BLVRB: variants seen among roughly 807,000 people sequenced by gnomAD.
BLVRB encodes biliverdin reductase B.
In BLVRB, 25 loss-of-function variants were observed where a neutral mutation model predicts 21.1. That is an observed-to-expected ratio of 1.19 (90% confidence interval 0.86 to 1.66). The LOEUF is 1.66. BLVRB is among the 40% of genes most tolerant of loss of function. The pLI is 0.00. For synonymous variants in BLVRB, 128 were observed against 122.2 expected (o/e 1.05, Z -0.31); for missense variants, 274 against 282.7 (o/e 0.97, Z 0.22).
At chr19:40,463,780 T>TG (rs1458119598) in intron 1 of BLVRB, among the ~76,000 whole-genome samples, 13 of 151,104 alleles carry the variant, frequency 8.6e-5, no homozygotes, top group Non-Finnish European at 1.8e-4. Flanking sequence ...AATTTTTTTT[T>TG]TTTTGAGACA....
chr19:40,454,092 T>G (rs982321364), intron 3 of BLVRB, among the ~76,000 whole-genome samples: 27 of 152,120 alleles, frequency 1.8e-4, no homozygotes, highest in Admixed American at 6.6e-5. Context: ...AACAAAAAAA[T>G]TTTAAAAATT....
At chr19:40,459,539 C>T (rs1002332317) in intron 1 of BLVRB, among the ~76,000 whole-genome samples, 4 of 151,458 alleles carry the variant, frequency 2.6e-5, no homozygotes, top group African/African-American at 9.7e-5. Context: ...CCTCCGCCTC[C>T]CGGGTTCAGG....
In BLVRB at chr19:40,465,713, G is replaced by T. The variant is rs767495670; in HGVS notation, c.-25C>A. On this transcript the variant is annotated 5_prime_UTR_variant, in exon 1 of 5. Transcript: ENST00000263368. ...TCGTACGGGATCGTGGGGGTGCAAG[G>T]CCTCAGAGTCTCGGCACGCGCGGGA... The T allele has an allele frequency of 4.3e-6, 7 of 1,609,588 alleles. No individual in the cohort carries two copies. The highest frequency in any genetic ancestry group is 5.9e-6 in the Non-Finnish European group (7 of 1,177,590).
At chr19:40,460,269 T>TATATATATATATATATATACAC in intron 1 of BLVRB, among the ~76,000 whole-genome samples, 1 of 140,694 alleles carries the variant, frequency 7.1e-6, no homozygotes, top group African/African-American at 2.8e-5. Flanking sequence ...TATATATATA[T>TATATATATATATATATATACAC]ATATATTTAG....
rs769324337 is a variant in BLVRB at position 40,458,484 on chromosome 19, C to T, written c.141G>A (p.Pro47=). Residue 47 remains proline (P), a synonymous_variant, in exon 2 of 5, where the codon CCG becomes CCA. Coordinates refer to ENST00000263368, the MANE Select transcript of BLVRB (RefSeq NM_000713.3). ...GAACATCTCCCACTACCACGTGGGC[C>T]GGCCGGGGCCCCTCTGATGGCAGCC... is the stretch of plus-strand genomic sequence containing the variant. ...SSRLPSEGPR[P]AHVVVGDVLQ... 36 of 1,609,826 alleles carry T rather than the reference C, an allele frequency of 2.2e-5. No homozygotes were observed. Among genetic ancestry groups the T allele is most frequent in the Admixed American group, 3.4e-5 (2 of 59,490 alleles).
chr19:40,460,270 A>ATATATATG lies in BLVRB; in HGVS notation c.80-1726_80-1725insCATATATA, dbSNP rs1336577975. 7.5e-4 allele frequency among the ~76,000 whole-genome samples: 95 copies of ATATATATG among 126,356 alleles called. 4 individuals are homozygous for ATATATATG. Among genetic ancestry groups the ATATATATG allele is most frequent in the African/African-American group, 3.0e-3 (92 of 30,954 alleles). The allele number at this position is 126,356 out of a possible 152,430, so 82.9% of individuals were successfully genotyped here. Reference sequence around the variant, plus strand: ...AACATATATATATATATATATATATATATATTTAGAGACAGGGTCTTGCTC... The same window carrying ATATATATG: ...AACATATATATATATATATATATATATATATATGTATATTTAGAGACAGGGTCTTGCTC... On this transcript the variant is annotated intron_variant, in intron 1 of 4. Transcript: ENST00000263368.
intron 4 of BLVRB, 63 bp from the exon 5 acceptor site, chr19:40,448,109 A>AC: frequency 6.5e-7 from 1 of 1,535,536 alleles, no homozygotes; most frequent in Non-Finnish European, 8.8e-7. Context: ...CCAAAATTCG[A>AC]CCCCCAGAAA....
chr19:40,460,938 C>T (rs902327631), intron 1 of BLVRB, among the ~76,000 whole-genome samples: 8 of 152,130 alleles, frequency 5.3e-5, no homozygotes, highest in South Asian at 2.1e-4. Flanking sequence ...TGCCATTGCA[C>T]GCCAGCCTGG....
At chr19:40,461,360 C>G (rs28529139) in intron 1 of BLVRB, among the ~76,000 whole-genome samples, 1 of 152,166 alleles carries the variant, frequency 6.6e-6, no homozygotes, top group African/African-American at 2.4e-5. Context: ...AAGTGCCTCT[C>G]TGCTCAGTTG....
At position 40,451,358 on chromosome 19, in the gene BLVRB, G is replaced by T; in HGVS notation, c.463+6C>A. On this transcript the variant is annotated splice_donor_region_variant and intron_variant, in intron 4 of 4. Transcript: ENST00000263368. ...ATTGGTGCCACCAGGTCCCTGCCCT[G>T]CTTACCTATGTGTGGCGGCATCACA... 2 of 1,598,286 alleles carry T rather than the reference G, an allele frequency of 1.3e-6. No homozygotes were observed. The highest frequency in any genetic ancestry group is 1.7e-6 in the Non-Finnish European group (2 of 1,172,742).
At chr19:40,462,350 C>G (rs2079791405) in intron 1 of BLVRB, among the ~76,000 whole-genome samples, 1 of 150,870 alleles carries the variant, frequency 6.6e-6, no homozygotes, top group South Asian at 2.1e-4. Flanking sequence ...GCAATCTCAG[C>G]TCACTGCAAC....
chr19:40,460,983 A>G (rs752212), intron 1 of BLVRB, among the ~76,000 whole-genome samples: 33,611 of 139,302 alleles, frequency 0.24, 3,949 homozygotes, highest in African/African-American at 0.38. Flanking sequence ...AAACAAAACA[A>G]AACAAAACAA....
intron 1 of BLVRB, among the ~76,000 whole-genome samples, chr19:40,460,015 A>G (rs888099632): frequency 1.3e-5 from 2 of 152,136 alleles, no homozygotes; most frequent in Non-Finnish European, 2.9e-5. Context: ...GATTGGTCCC[A>G]GCCCCTGCTG....
chr19:40,451,576 C>G (rs1230727814), intron 3 of BLVRB, 84 bp from the exon 4 acceptor site: 3 of 1,428,110 alleles, frequency 2.1e-6, no homozygotes, highest in Admixed American at 5.5e-5. Flanking sequence ...CTTTGTCACC[C>G]AGGCTGAGTG....
chr19:40,465,570 C>T, intron 1 of BLVRB, 40 bp downstream of exon 1: 2 of 1,584,544 alleles, frequency 1.3e-6, no homozygotes, highest in South Asian at 2.3e-5. Flanking sequence ...AAGTTCTGCC[C>T]GTCTGTCCCG....
At chr19:40,456,746 G>A (rs947257577) in intron 3 of BLVRB, among the ~76,000 whole-genome samples, 24 of 152,050 alleles carry the variant, frequency 1.6e-4, no homozygotes, top group Admixed American at 1.4e-3. Flanking sequence ...AATTAGCAGG[G>A]CATGGTGGCA....
intron 1 of BLVRB, among the ~76,000 whole-genome samples, chr19:40,460,827 C>T (rs1429525230): frequency 1.3e-5 from 2 of 152,042 alleles, no homozygotes; most frequent in Non-Finnish European, 2.9e-5. Flanking sequence ...ACAAAATTAG[C>T]CAGGCATGGT....
chr19:40,464,783 C>T (rs2079803332), intron 1 of BLVRB, among the ~76,000 whole-genome samples: 1 of 152,138 alleles, frequency 6.6e-6, no homozygotes, highest in Admixed American at 6.6e-5. Flanking sequence ...TCCTGTTGGC[C>T]TCCACCCTTT....
intron 3 of BLVRB, among the ~76,000 whole-genome samples, chr19:40,455,331 A>C (rs1325686903): frequency 6.6e-6 from 1 of 152,238 alleles, no homozygotes; most frequent in African/African-American, 2.4e-5. Context: ...TTAAAGTGTG[A>C]CAATAGCACT....
Sources: allele counts gnomAD v4.1 joint callset (sites outside exome capture counted in the v4.1 genomes callset), GRCh38; gene constraint gnomAD v4.1.1; transcripts MANE v1.5; gene names NCBI Gene and HGNC (gene_info 2026-07-23, HGNC 2026-07-21).